The following LRP1B variants were observed in gnomAD, a reference collection of about 807,000 sequenced individuals.
LRP1B encodes the protein low-density lipoprotein receptor-related protein 1B.
A neutral mutation model predicts 556.6 loss-of-function variants in LRP1B; 217 were observed. The observed-to-expected ratio is 0.39, with a 90% CI of 0.35 to 0.44. The LOEUF (loss-of-function observed/expected upper bound fraction) is 0.44, where lower values mean the gene tolerates loss of function less well. LRP1B is among the 20% of genes least tolerant of loss of function. The pLI is 1.00. For synonymous variants in LRP1B, 2,047 were observed against 1,865.8 expected, an observed-to-expected ratio of 1.10 and a Z score of -2.50; for missense variants, 5,053 against 5,620.8, an observed-to-expected ratio of 0.90 and a Z score of 3.23.
intron 7 of LRP1B, among the ~76,000 whole-genome samples, chr2:141,180,239 C>T (rs1458508903): frequency 1.3e-5 from 2 of 151,494 alleles, no homozygotes. Context: ...ATGTTATTTA[C>T]CCTTGATGCC....
At chr2:141,230,059 A>AT (rs1370086111) in intron 5 of LRP1B, among the ~76,000 whole-genome samples, 5 of 152,114 alleles carry the variant, frequency 3.3e-5, no homozygotes, top group Non-Finnish European at 7.4e-5. Flanking sequence ...CTTCAATACC[A>AT]TTTTTTTGAA....
chr2:140,698,072 T>A (rs199983183), intron 41 of LRP1B, among the ~76,000 whole-genome samples: 1 of 151,914 alleles, frequency 6.6e-6, no homozygotes, highest in African/African-American at 2.4e-5. Context: ...TTTTTTTTTT[T>A]AAGCTGCTTA....
intron 7 of LRP1B, among the ~76,000 whole-genome samples, chr2:141,115,062 G>A (rs1700854077): frequency 6.6e-6 from 1 of 151,780 alleles, no homozygotes; most frequent in Non-Finnish European, 1.5e-5. Context: ...ATGTAGGAGT[G>A]TCCATTTTCT....
In LRP1B at chr2:141,306,512, C is replaced by T. The variant is rs546145427; in HGVS notation, c.344-51871G>A. Among the ~76,000 whole-genome samples, 115 of 152,008 alleles carry T rather than the reference C, an allele frequency of 7.6e-4. 1 individual carries two copies. The highest frequency in any genetic ancestry group is 2.6e-3 in the African/African-American group (109 of 41,530). ...GATATCTGATTTTGTTAATTTGGGT[C>T]TTCCCTCTTTTTCTTCATTAGACTA... is the stretch of plus-strand genomic sequence containing the variant. On this transcript the variant is annotated intron_variant, in intron 3 of 90. Coordinates refer to ENST00000389484, the MANE Select transcript of LRP1B (RefSeq NM_018557.3).
intron 43 of LRP1B, among the ~76,000 whole-genome samples, chr2:140,546,657 G>A (rs6745032): frequency 0.5 from 76,473 of 151,794 alleles, 19,510 homozygotes; most frequent in East Asian, 0.61. Flanking sequence ...GGTCCCTCCC[G>A]TGACACATGG....
rs758073856 is a variant in LRP1B, at chr2:140,867,755, G to T, written c.4414C>A (p.Pro1472Thr). 1 of 1,611,088 alleles carries T rather than the reference G, an allele frequency of 6.2e-7. No homozygotes were observed. The highest frequency in any genetic ancestry group is 1.1e-5 in the South Asian group (1 of 90,704). ...IIRGHEYLSH[P>T]FAVSLYGSEV... Reference sequence around the variant, plus strand: ...CTCCCATATAGAGACACAGCAAAGGGATGGGAAAGGTATTCATGACCTCGG... The same window carrying T: ...CTCCCATATAGAGACACAGCAAAGGTATGGGAAAGGTATTCATGACCTCGG... Residue 1472 changes from proline to threonine, a missense_variant, in exon 27 of 91, where the codon CCC becomes ACC. By Grantham distance (38) the Pro-to-Thr change is conservative (BLOSUM62 -1). Transcript: ENST00000389484.
intron 3 of LRP1B, among the ~76,000 whole-genome samples, chr2:141,420,200 CAT>C (rs1423721389): frequency 6.6e-6 from 1 of 152,190 alleles, no homozygotes; most frequent in African/African-American, 2.4e-5. Flanking sequence ...ATGTTGGACA[CAT>C]ACACATTTAT....
At chr2:140,298,487 T>C (rs1187266431) in intron 83 of LRP1B, among the ~76,000 whole-genome samples, 4 of 152,208 alleles carry the variant, frequency 2.6e-5, no homozygotes, top group Admixed American at 6.5e-5. Context: ...TAATTAAATT[T>C]AGTAACATTA....
Position 141,048,851 on chromosome 2 carries a change from A to T in LRP1B, c.1789+135T>A. 3 of 688,810 alleles carry T rather than the reference A, an allele frequency of 4.4e-6. No homozygotes were observed. The South Asian group carries it at 5.4e-5, about 12-fold the overall frequency. The allele number at this position is 688,810 out of a possible 1,614,324, so 42.7% of individuals were successfully genotyped here. A position where few individuals can be genotyped will look rare whatever the true frequency, so the allele number is the denominator to read the frequency against. ...AGAGAAACAATGTTAATGAAGAAAT[A>T]ACATTAAAAAATATTTTTGAACCAA... On this transcript the variant is annotated intron_variant, in intron 11 of 90. Coordinates refer to ENST00000389484, the MANE Select transcript of LRP1B (RefSeq NM_018557.3).
intron 1 of LRP1B, among the ~76,000 whole-genome samples, chr2:142,000,026 T>C (rs897186827): frequency 6.7e-6 from 1 of 148,956 alleles, no homozygotes; most frequent in African/African-American, 2.4e-5. Context: ...TTATATATAC[T>C]ATATAATATA....
At chr2:141,576,494 G>A (rs927982054) in intron 2 of LRP1B, among the ~76,000 whole-genome samples, 2 of 152,120 alleles carry the variant, frequency 1.3e-5, no homozygotes, top group African/African-American at 4.8e-5. Context: ...GGGTCAATAG[G>A]TGCAGCAGAT....
At chr2:141,349,130 A>T (rs1470393612) in intron 3 of LRP1B, among the ~76,000 whole-genome samples, 1 of 151,966 alleles carries the variant, frequency 6.6e-6, no homozygotes, top group Non-Finnish European at 1.5e-5. Flanking sequence ...AAACTACAGG[A>T]TACTTCCAAG....
intron 59 of LRP1B, among the ~76,000 whole-genome samples, chr2:140,476,520 A>G (rs1687980931): frequency 6.6e-6 from 1 of 152,018 alleles, no homozygotes; most frequent in Admixed American, 6.6e-5. Flanking sequence ...TTTTAACCAC[A>G]TACTAAAAAG....
At chr2:140,352,205 T>C (rs899786958) in intron 76 of LRP1B, among the ~76,000 whole-genome samples, 1 of 152,158 alleles carries the variant, frequency 6.6e-6, no homozygotes, top group African/African-American at 2.4e-5. Flanking sequence ...AGATGGAGTC[T>C]TGCTCTGTCA....
intron 66 of LRP1B, among the ~76,000 whole-genome samples, chr2:140,405,527 C>T (rs1684692131): frequency 6.6e-6 from 1 of 151,952 alleles, no homozygotes; most frequent in Non-Finnish European, 1.5e-5. Context: ...AAAGTGGAAA[C>T]ATTACAACCA....
chr2:140,541,999 T>G, intron 43 of LRP1B, 28 bp from the exon 44 acceptor site: 4 of 1,510,660 alleles, frequency 2.6e-6, no homozygotes, highest in Non-Finnish European at 3.6e-6. Flanking sequence ...ACTGTATTTT[T>G]ATGATGAATA....
intron 52 of LRP1B, among the ~76,000 whole-genome samples, chr2:140,509,081 CAA>C (rs879435054): frequency 6.8e-4 from 49 of 72,182 alleles, no homozygotes; most frequent in African/African-American, 1.4e-3. Flanking sequence ...CACACACACA[CAA>C]ACACACACAC....
chr2:141,372,378 C>T (rs764400737), intron 3 of LRP1B, among the ~76,000 whole-genome samples: 4 of 152,012 alleles, frequency 2.6e-5, no homozygotes, highest in African/African-American at 4.8e-5. Context: ...GGTTTCATAT[C>T]AGGGTGATAC....
intron 29 of LRP1B, among the ~76,000 whole-genome samples, chr2:140,849,200 CAAAAAAAA>C (rs70988447): frequency 0.57 from 58,051 of 101,098 alleles, 14,537 homozygotes; most frequent in Middle Eastern, 0.76. Flanking sequence ...ACTAAAAATA[CAAAAAAAA>C]AAAAAAAAAA....
Sources: gnomAD v4.1 joint callset for allele counts (sites outside exome capture counted in the v4.1 genomes callset) on GRCh38, gnomAD v4.1.1 for gene constraint, MANE v1.5 for transcripts, NCBI Gene and HGNC (gene_info 2026-07-23, HGNC 2026-07-21) for gene names.